The following SHE variants were observed in gnomAD, a reference collection of about 807,000 sequenced individuals.
The protein encoded by SHE is Src homology 2 domain containing E.
A neutral mutation model predicts 49.8 loss-of-function variants in SHE; 11 were observed. The observed-to-expected ratio is 0.22, with a 90% CI of 0.14 to 0.37. The LOEUF is 0.37. SHE is among the 10% of genes least tolerant of loss of function. The pLI is 1.00. For missense variants in SHE, 624 were observed against 655.5 expected (o/e 0.95, Z 0.52); for synonymous variants, 310 against 278.1 (o/e 1.11, Z -1.14).
At chr1:154,492,590 T>C (rs1571056991) in intron 2 of SHE, among the ~76,000 whole-genome samples, 2 of 152,296 alleles carry the variant, frequency 1.3e-5, no homozygotes, top group African/African-American at 4.8e-5. Context: ...GTCCTACAGT[T>C]TTTCTTCTTC....
intron 2 of SHE, among the ~76,000 whole-genome samples, chr1:154,495,746 C>T (rs1227288810): frequency 1.3e-5 from 2 of 151,368 alleles, no homozygotes; most frequent in Non-Finnish European, 2.9e-5. Context: ...AAAAAAAAAA[C>T]CTCAAGAAAT....
At chr1:154,474,534 G>C (rs1350176330), downstream of SHE, among the ~76,000 whole-genome samples, 1 of 152,138 alleles carries the variant, frequency 6.6e-6, no homozygotes, top group Non-Finnish European at 1.5e-5. Context: ...TTTAGACAGA[G>C]TCTTGCTCTG....
rs754324315 is a variant in SHE at position 154,501,505 on chromosome 1, G to A, written c.522C>T (p.Ser174=). Residue 174 remains serine, a synonymous_variant, in exon 1 of 6, where the codon TCC becomes TCT. Transcript: ENST00000304760. The stretch of plus-strand genomic sequence containing the variant: ...CCAGGGAGGAAGGGGAAGAGGACGC[G>A]GAGGAAGAGGAGCTGGAGCTGGAGC... ...SSSSSSSSSS[S]ASSSPSSLGP... 15 of 1,614,060 alleles carry A rather than the reference G, an allele frequency of 9.3e-6. No homozygotes were observed. The highest frequency in any genetic ancestry group is 1.2e-5 in the Non-Finnish European group (14 of 1,180,034).
At chr1:154,484,550 T>A (rs751762125) in intron 5 of SHE, 1 of 459,910 alleles carries the variant, frequency 2.2e-6, no homozygotes, top group Non-Finnish European at 3.9e-6. Context: ...CCTTATCACA[T>A]ATGAGTCATC....
chr1:154,477,407 C>T (rs774248784), downstream of SHE, among the ~76,000 whole-genome samples: 45 of 152,124 alleles, frequency 3.0e-4, no homozygotes, highest in Middle Eastern at 3.2e-3. Flanking sequence ...GGTTTCACCA[C>T]GTTGCCCGGG....
At chr1:154,501,235 A>G (rs1000081201) in intron 1 of SHE, among the ~76,000 whole-genome samples, 3 of 152,162 alleles carry the variant, frequency 2.0e-5, no homozygotes, top group Non-Finnish European at 2.9e-5. Context: ...AAAACTCCCC[A>G]CCTCTAAAAT....
rs1305560401 is a variant in SHE at position 154,501,935 on chromosome 1, G to A, written c.92C>T (p.Ala31Val). 2 of 1,485,804 alleles carry A rather than the reference G, an allele frequency of 1.3e-6. No individual in the cohort carries two copies. Among genetic ancestry groups the A allele is most frequent in the Non-Finnish European group, 1.8e-6 (2 of 1,127,412 alleles). 92.0% of individuals were successfully genotyped at this position (1,485,804 alleles called of 1,614,324 possible). ...CSTAPTLLGR[A>V]GRGPLMAAKW... is the part of the protein sequence containing the mutation. Reference sequence around the variant, plus strand: ...GGCCGCCATGAGGGGGCCCCGGCCGGCTCGGCCCAGGAGCGTCGGGGCCGT... The same window carrying A: ...GGCCGCCATGAGGGGGCCCCGGCCGACTCGGCCCAGGAGCGTCGGGGCCGT... The change falls in exon 1 of 6, where the codon GCC (alanine) becomes GTC (valine). Residue 31 changes from alanine (A) to valine (V), a missense_variant. Ala to Val is a moderately conservative substitution (Grantham distance 64). Coordinates refer to ENST00000304760, the MANE Select transcript of SHE (RefSeq NM_001010846.3).
At position 154,481,750 on chromosome 1, in the gene SHE, G is replaced by GA. The variant is rs1692023270; in HGVS notation, c.*2398dup. On this transcript the variant is annotated 3_prime_UTR_variant, in exon 6 of 6. Transcript: ENST00000304760. ...AATAAATATTTGTTGAATGGATGCT[G>GA]AAAAAACCTTTTAAAATCTTACACT... The GA allele has an allele frequency of 1.0e-6, 1 of 964,158 alleles. No individual in the cohort carries two copies. Among genetic ancestry groups the GA allele is most frequent in the Non-Finnish European group, 1.2e-6 (1 of 810,688 alleles). The allele number at this position is 964,158 out of a possible 1,614,324, so 59.7% of individuals were successfully genotyped here.
chr1:154,489,419 G>A, intron 2 of SHE, 63 bp from the exon 3 acceptor site: 2 of 1,549,956 alleles, frequency 1.3e-6, no homozygotes, highest in Non-Finnish European at 8.7e-7. Flanking sequence ...AAGCAAAGAT[G>A]CCATAAAAGC....
exon 2 of SHE, chr1:154,470,314 TGGTTAC>T (rs1378655087): frequency 1.6e-6 from 2 of 1,289,134 alleles, no homozygotes; most frequent in Admixed American, 4.6e-5. Context: ...TAGGATGACA[TGGTTAC>T]GGTGCTCTTT....
At chr1:154,493,372 G>A (rs1056087283) in intron 2 of SHE, among the ~76,000 whole-genome samples, 1 of 152,186 alleles carries the variant, frequency 6.6e-6, no homozygotes, top group Non-Finnish European at 1.5e-5. Flanking sequence ...GCTGCAAGCC[G>A]ACCCTTCCTG....
Position 154,483,231 on chromosome 1 carries a change from G to T in SHE, c.*918C>A. The T allele has an allele frequency of 1.0e-6, 1 of 985,340 alleles. No individual in the cohort carries two copies. Among genetic ancestry groups the T allele is most frequent in the Non-Finnish European group, 1.2e-6 (1 of 829,922 alleles). The allele number at this position is 985,340 out of a possible 1,614,324, so 61.0% of individuals were successfully genotyped here. On this transcript the variant is annotated 3_prime_UTR_variant, in exon 6 of 6. Coordinates refer to ENST00000304760, the MANE Select transcript of SHE (RefSeq NM_001010846.3). ...TTGCTAAAAAATGAGAAAATCCACA[G>T]AGATTGAGAGAACACACACTTTCTT...
intron 1 of SHE, among the ~76,000 whole-genome samples, chr1:154,500,550 G>T (rs1046010450): frequency 6.6e-6 from 1 of 152,182 alleles, no homozygotes; most frequent in Non-Finnish European, 1.5e-5. Flanking sequence ...TGCATGTTAG[G>T]AAGTGATTGC....
rs1323409442 is a variant in SHE, at chr1:154,501,444, G to C, written c.583C>G (p.Gln195Glu). ...ELDKGKIIKQ[Q>E]ETVIILEDYA... ...GGAGGCTGTATTCTTACCGTCTCTT[G>C]CTGCTTAATAATCTTGCCCTTGTCC... The change falls in exon 1 of 6, where the codon CAA (glutamine) becomes GAA (glutamate). Residue 195 changes from glutamine to glutamate, a missense_variant. Coordinates refer to ENST00000304760, the MANE Select transcript of SHE (RefSeq NM_001010846.3). 2 of 1,613,998 alleles carry C rather than the reference G, an allele frequency of 1.2e-6. No homozygotes were observed. Among genetic ancestry groups the C allele is most frequent in the African/African-American group, 2.7e-5 (2 of 74,920 alleles).
At chr1:154,499,996 C>T (rs1228699704) in intron 1 of SHE, among the ~76,000 whole-genome samples, 2 of 152,134 alleles carry the variant, frequency 1.3e-5, no homozygotes, top group African/African-American at 4.8e-5. Flanking sequence ...GGACCCTTCT[C>T]AGGAAGGAAG....
intron 2 of SHE, among the ~76,000 whole-genome samples, chr1:154,491,039 G>C (rs1571054900): frequency 6.6e-6 from 1 of 152,172 alleles, no homozygotes; most frequent in South Asian, 2.1e-4. Context: ...CCTTGCCAGA[G>C]TTAGAGATGG....
exon 2 of SHE, chr1:154,469,951 G>A (rs765959555): frequency 5.1e-5 from 9 of 177,320 alleles, no homozygotes; most frequent in South Asian, 2.3e-4. Context: ...GCCATCATGC[G>A]GACTCTTTGT....
At chr1:154,476,315 C>T (rs565802435), downstream of SHE, among the ~76,000 whole-genome samples, 12 of 152,210 alleles carry the variant, frequency 7.9e-5, no homozygotes, top group South Asian at 2.5e-3. Flanking sequence ...CATCGCACTC[C>T]TGCCTGGGAA....
intron 2 of SHE, among the ~76,000 whole-genome samples, chr1:154,492,046 T>G (rs758349096): frequency 1.4e-4 from 21 of 152,146 alleles, no homozygotes; most frequent in Non-Finnish European, 2.9e-4. Flanking sequence ...GAAATGCCAC[T>G]GACTCATTAA....
Sources: allele counts gnomAD v4.1 joint callset (sites outside exome capture counted in the v4.1 genomes callset), GRCh38; gene constraint gnomAD v4.1.1; transcripts MANE v1.5; gene names NCBI Gene and HGNC (gene_info 2026-07-23, HGNC 2026-07-21).